NDRG2: variants seen among roughly 807,000 people sequenced by gnomAD.
The protein encoded by NDRG2 is NDRG family member 2, also known as protein NDRG2.
A neutral mutation model predicts 58.2 loss-of-function variants in NDRG2; 34 were observed. The ratio of observed to expected loss-of-function variants is 0.58; its 90% confidence interval spans 0.44 to 0.78. The LOEUF is 0.78. Ranked by LOEUF, NDRG2 falls within the 30% of genes least tolerant of loss-of-function variation. The pLI is 0.00. For synonymous variants in NDRG2, 187 were observed against 175.9 expected (o/e 1.06, Z -0.50); for missense variants, 434 against 471.2 (o/e 0.92, Z 0.73).
chr14:21,045,411 A>T (rs976542628), intron 1 of NDRG2, among the ~76,000 whole-genome samples: 1 of 152,242 alleles, frequency 6.6e-6, no homozygotes, highest in African/African-American at 2.4e-5. Flanking sequence ...CCATCATCGA[A>T]TGGACTTCTG....
chr14:21,029,470 T>A (rs1306593062), upstream of NDRG2, among the ~76,000 whole-genome samples: 3 of 152,030 alleles, frequency 2.0e-5, no homozygotes, highest in African/African-American at 7.3e-5. Flanking sequence ...GCATAGTGGC[T>A]GGGCTAATCC....
intron 1 of NDRG2, among the ~76,000 whole-genome samples, chr14:21,052,935 C>G (rs1007990945): frequency 1.3e-5 from 2 of 152,160 alleles, no homozygotes; most frequent in African/African-American, 2.4e-5. Context: ...TCAAGTGCCC[C>G]TCCATACTTT....
chr14:21,019,501 C>A, intron 10 of NDRG2, 138 bp downstream of exon 10: 1 of 643,330 alleles, frequency 1.6e-6, no homozygotes, highest in East Asian at 2.7e-5. Context: ...TGAAGCTGCC[C>A]CCATTGCACA....
chr14:21,038,711 G>T (rs753879523), intron 1 of NDRG2, among the ~76,000 whole-genome samples: 1 of 152,220 alleles, frequency 6.6e-6, no homozygotes. Context: ...CTAAGGAAAT[G>T]ATACTTTGCT....
chr14:21,031,246 T>C lies in NDRG2; in HGVS notation c.25-7925A>G. The stretch of plus-strand genomic sequence containing the variant: ...GTCTACCCTCCCTAACCCTGCCAAC[T>C]GTGTGACTGTAGAGACAGGGCCGAA... On this transcript the variant is annotated intron_variant, in intron 1 of 14. Transcript: ENST00000403829. 2.0e-6 allele frequency: 3 copies of C among 1,530,614 alleles called. No homozygotes were observed. In the South Asian group the frequency reaches 3.8e-5, roughly 20 times the overall value. 94.8% of individuals were successfully genotyped at this position (1,530,614 alleles called of 1,614,324 possible).
intron 8 of NDRG2, 73 bp from the exon 9 acceptor site, chr14:21,020,049 A>C: frequency 1.4e-6 from 2 of 1,422,944 alleles, no homozygotes; most frequent in Middle Eastern, 2.4e-4. Flanking sequence ...TAATCCCAGC[A>C]CTTTGGGAGG....
chr14:21,028,525 T>C (rs1186640460), upstream of NDRG2: 1 of 152,160 alleles, frequency 6.6e-6, no homozygotes, highest in African/African-American at 2.4e-5. Flanking sequence ...AAGAATAATG[T>C]TGATGAGAGG....
rs890299892 is a variant in NDRG2, at chr14:21,036,152, T to C, written c.25-12831A>G. On this transcript the variant is annotated intron_variant, in intron 1 of 14. Coordinates refer to the NDRG2 transcript ENST00000403829. ...ACACAGCCCTGACAATCTTAAACTT[T>C]TCCCAAGCCCATCTCTTCCATTCTT... 1.1e-5 allele frequency: 5 copies of C among 455,860 alleles called. No individual in the cohort carries two copies. The Admixed American group carries it at 1.2e-4, about 11-fold the overall frequency. 28.2% of individuals were successfully genotyped at this position (455,860 alleles called of 1,614,324 possible).
At chr14:21,018,610 A>G in intron 12 of NDRG2, 106 bp from the exon 13 acceptor site, 1 of 1,557,060 alleles carries the variant, frequency 6.4e-7, no homozygotes, top group Non-Finnish European at 8.7e-7. Context: ...TCAGCTCCCT[A>G]CCCAGTTCCT....
intron 1 of NDRG2, among the ~76,000 whole-genome samples, chr14:21,046,445 C>T (rs1172331241): frequency 6.9e-6 from 1 of 145,512 alleles, no homozygotes; most frequent in African/African-American, 2.5e-5. Flanking sequence ...CTCTTGAGCC[C>T]AGAAGGTTGA....
At chr14:21,021,185 T>TC in intron 6 of NDRG2, 2 of 476,438 alleles carry the variant, frequency 4.2e-6, no homozygotes, top group South Asian at 3.2e-5. Flanking sequence ...TTGTTCTGCT[T>TC]TAGTTCCTGG....
chr14:21,068,915 T>C (rs1239391547), intron 1 of NDRG2, among the ~76,000 whole-genome samples: 4 of 152,176 alleles, frequency 2.6e-5, no homozygotes, highest in African/African-American at 9.7e-5. Context: ...GAAGAGCAAG[T>C]CACCTTGGCG....
rs527545812 is a variant in NDRG2 at position 21,021,986 on chromosome 14, T to C, written c.344+76A>G. 9 of 1,612,036 alleles carry C rather than the reference T, an allele frequency of 5.6e-6. No homozygotes were observed. In the African/African-American group the frequency reaches 1.2e-4, roughly 22 times the overall value. ...AGAATAACCACTGCCCTCCCTTTCC[T>C]CCTCCCCAGTCGAACCTTTCCCGCA... On this transcript the variant is annotated intron_variant, in intron 5 of 15. Coordinates refer to ENST00000556147, the MANE Select transcript of NDRG2 (RefSeq NM_001320329.2).
intron 1 of NDRG2, chr14:21,043,291 G>A: frequency 6.2e-7 from 1 of 1,614,200 alleles, no homozygotes; most frequent in Non-Finnish European, 8.5e-7. Flanking sequence ...TGCCACCAGA[G>A]CCACGGGGCC....
At chr14:21,046,495 C>A (rs1277249939) in intron 1 of NDRG2, among the ~76,000 whole-genome samples, 1 of 152,094 alleles carries the variant, frequency 6.6e-6, no homozygotes, top group East Asian at 1.9e-4. Context: ...GCCTGGGCAC[C>A]ACTGCACTCC....
At chr14:21,025,796 G>C, upstream of NDRG2, 1 of 829,030 alleles carries the variant, frequency 1.2e-6, no homozygotes, top group Non-Finnish European at 1.5e-6. The surrounding 1 kb of genome is among the most constrained non-coding windows in gnomAD (Gnocchi z 5.1). Flanking sequence ...GAGGGCGATC[G>C]CGGGCAGGCG....
upstream of NDRG2, chr14:21,025,536 GGAGGAGGTGGGCGGGACCGCCGCT>G (rs1883439587): frequency 8.1e-6 from 8 of 985,340 alleles, no homozygotes; most frequent in Non-Finnish European, 8.4e-6. This position sits in a 1 kb window ranked among gnomAD's most constrained non-coding sequence, Gnocchi z 5.1. Context: ...GATTAAGAAA[GGAGGAGGTGGGCGGGACCGCCGCT>G]GAGGAGGCGG....
chr14:21,070,363 C>T lies in NDRG2; in HGVS notation c.24+465G>A. The T allele has an allele frequency of 1.4e-6, 2 of 1,407,410 alleles. No individual in the cohort carries two copies. The highest frequency in any genetic ancestry group is 1.8e-6 in the Non-Finnish European group (2 of 1,087,942). The allele number at this position is 1,407,410 out of a possible 1,614,324, so 87.2% of individuals were successfully genotyped here. ...GGTGGCGCGCCCGGCCCCGCCCGCC[C>T]GACCAAGCGTCGGACGCGGCCCGGC... On this transcript the variant is annotated intron_variant, in intron 1 of 14. Transcript: ENST00000403829. This position sits in a 1 kb window ranked among gnomAD's most constrained non-coding sequence, Gnocchi z 4.7.
In NDRG2 at chr14:21,022,875, C is replaced by G. The variant is rs1881395045; in HGVS notation, c.106G>C (p.Asp36His). 6.2e-7 allele frequency: 1 copy of G among 1,613,728 alleles called. No homozygotes were observed. The highest frequency in any genetic ancestry group is 1.7e-5 in the Admixed American group (1 of 59,984). Reference sequence around the variant, plus strand: ...CCCCACACTGTTACCTGTCCCTGGTCCAGGAGGATTCGGGCAGCTAACTCA... The same window carrying G: ...CCCCACACTGTTACCTGTCCCTGGTGCAGGAGGATTCGGGCAGCTAACTCA... ...EAELAARILLDQGQTHSVETP... is the reference protein window; with the variant it reads ...EAELAARILLHQGQTHSVETP... Residue 36 changes from aspartate (D) to histidine (H), a missense_variant, in exon 3 of 16, where the codon GAC (aspartate) becomes CAC (histidine). Physicochemically the swap from Asp to His is moderately conservative, Grantham distance 81 (BLOSUM62 -1). Coordinates refer to ENST00000556147, the MANE Select transcript of NDRG2 (RefSeq NM_001320329.2).
Sources: gnomAD v4.1 joint callset for allele counts (sites outside exome capture counted in the v4.1 genomes callset) on GRCh38, gnomAD v4.1.1 for gene constraint, Gnocchi (gnomAD v3.1) non-coding constraint, MANE v1.5 for transcripts, NCBI Gene and HGNC (gene_info 2026-07-23, HGNC 2026-07-21) for gene names.